The following RNF213 variants were observed in gnomAD, a reference collection of about 807,000 sequenced individuals.
The protein encoded by RNF213 is E3 ubiquitin-protein ligase RNF213.
A neutral mutation model predicts 514.4 loss-of-function variants in RNF213; 341 were observed. That is an observed-to-expected ratio of 0.66 (90% confidence interval 0.61 to 0.73). RNF213 has a LOEUF of 0.73. Ranked by LOEUF, RNF213 falls within the 30% of genes least tolerant of loss-of-function variation. The pLI is 0.00. For missense variants in RNF213, 5,767 were observed against 6,615.6 expected (o/e 0.87, Z 4.45); for synonymous variants, 2,655 against 2,658.2 (o/e 1.00, Z 0.04).
chr17:80,282,237 C>T (rs1159051131), intron 3 of RNF213, among the ~76,000 whole-genome samples: 1 of 152,160 alleles, frequency 6.6e-6, no homozygotes. Context: ...TGAACAGTTG[C>T]TACACGGTGC....
chr17:80,380,923 T>A lies in RNF213; in HGVS notation c.13733T>A (p.Val4578Asp). 1 of 1,614,108 alleles carries A rather than the reference T, an allele frequency of 6.2e-7. No homozygotes were observed. The highest frequency in any genetic ancestry group is 8.5e-7 in the Non-Finnish European group (1 of 1,180,012). ...VTCDRGLPPVVFLLIRLLTHL... is the reference protein window; with the variant it reads ...VTCDRGLPPVDFLLIRLLTHL... ...TGTGACCGAGGGCTGCCCCCAGTGG[T>A]CTTCCTCCTTATCCGGCTACTCACT... is the stretch of plus-strand genomic sequence containing the variant. The change falls in exon 56 of 68, where the codon GTC becomes GAC. Residue 4578 changes from valine (V) to aspartate (D), a missense_variant. By Grantham distance (152) the Val-to-Asp change is radical (BLOSUM62 -3). Coordinates refer to ENST00000582970, the MANE Select transcript of RNF213 (RefSeq NM_001256071.3).
chr17:80,370,397 T>C (rs1457924872), intron 46 of RNF213, among the ~76,000 whole-genome samples: 2 of 152,240 alleles, frequency 1.3e-5, no homozygotes, highest in African/African-American at 2.4e-5. Flanking sequence ...GGTAGGTCTC[T>C]GAGGTTAAAA....
chr17:80,393,641 T>C lies in RNF213; in HGVS notation c.*143T>C. The C allele has an allele frequency of 1.2e-6, 1 of 869,028 alleles. No homozygotes were observed. Among genetic ancestry groups the C allele is most frequent in the South Asian group, 1.6e-5 (1 of 62,760 alleles). The allele number at this position is 869,028 out of a possible 1,614,324, so 53.8% of individuals were successfully genotyped here. A position where few individuals can be genotyped will look rare whatever the true frequency, so the allele number is the denominator to read the frequency against. ...TAGCACCGAATTCAAGACCAAGGCG[T>C]GCTACCTGAGCTGACAGCTTTTTGA... On this transcript the variant is annotated 3_prime_UTR_variant, in exon 68 of 68. Transcript: ENST00000582970.
At chr17:80,366,998 A>C (rs1261766708) in intron 42 of RNF213, among the ~76,000 whole-genome samples, 2 of 152,248 alleles carry the variant, frequency 1.3e-5, no homozygotes, top group African/African-American at 4.8e-5. Context: ...TTGCTCTCAG[A>C]CATATGCAAG....
rs2078631562 is a variant in RNF213 at position 80,353,948 on chromosome 17, A to C, written c.10579-71A>C. 1 of 1,595,328 alleles carries C rather than the reference A, an allele frequency of 6.3e-7. No individual in the cohort carries two copies. Among genetic ancestry groups the C allele is most frequent in the Non-Finnish European group, 8.6e-7 (1 of 1,165,604 alleles). On this transcript the variant is annotated intron_variant, in intron 34 of 67. Coordinates refer to ENST00000582970, the MANE Select transcript of RNF213 (RefSeq NM_001256071.3). The surrounding 1 kb of genome is among the most constrained non-coding windows in gnomAD (Gnocchi z 5.0). ...TTTGCTGCATTGAGACCCTCATCGC[A>C]TACGGGCGGTTTGGCTTTTGCCCAC...
At chr17:80,338,067 A>G in intron 25 of RNF213, 70 bp downstream of exon 25, 1 of 1,507,194 alleles carries the variant, frequency 6.6e-7, no homozygotes, top group Non-Finnish European at 8.9e-7. Context: ...GTGTACTCCC[A>G]AGAAAACGGA....
Position 80,346,036 on chromosome 17 carries a change from G to C in RNF213, c.7701G>C (p.Arg2567=). ...GSIPLRQLVY[R]VHALPPSLIP... ...TTCCTCTGAGGCAGCTGGTATACCG[G>C]GTCCATGCTCTGCCCCCGAGCCTGA... The change falls in exon 29 of 68, where the codon CGG becomes CGC. Residue 2567 remains arginine, a synonymous_variant. Coordinates refer to ENST00000582970, the MANE Select transcript of RNF213 (RefSeq NM_001256071.3). This position sits in a 1 kb window ranked among gnomAD's most constrained non-coding sequence, Gnocchi z 8.1. 6.2e-7 allele frequency: 1 copy of C among 1,614,140 alleles called. No homozygotes were observed. The highest frequency in any genetic ancestry group is 1.1e-5 in the South Asian group (1 of 91,080).
In RNF213 at chr17:80,363,581, A is replaced by T. The variant is rs747249451; in HGVS notation, c.11569-28A>T. The stretch of plus-strand genomic sequence containing the variant: ...TGGGCCGGTGGGAGGGGCACCGCTC[A>T]GCCACGCCCTGCTGTCCGTCTCCCC... On this transcript the variant is annotated intron_variant, in intron 40 of 67. Coordinates refer to ENST00000582970, the MANE Select transcript of RNF213 (RefSeq NM_001256071.3). The T allele has an allele frequency of 1.9e-6, 3 of 1,611,900 alleles. No individual in the cohort carries two copies. The South Asian group carries it at 3.3e-5, about 18-fold the overall frequency.
rs978855546 is a variant in RNF213, at chr17:80,264,053, C to T, written c.97+275C>T. ...CGTTCAGGCCCGGCCTGAGTGAGCC[C>T]ACCCGAGTGGGAGGAGAGGGCAGGG... On this transcript the variant is annotated intron_variant, in intron 2 of 67. Coordinates refer to ENST00000582970, the MANE Select transcript of RNF213 (RefSeq NM_001256071.3). This position sits in a 1 kb window ranked among gnomAD's most constrained non-coding sequence, Gnocchi z 5.0. Among the ~76,000 whole-genome samples the T allele has an allele frequency of 6.6e-6, 1 of 152,214 alleles. No homozygotes were observed. Among genetic ancestry groups the T allele is most frequent in the Non-Finnish European group, 1.5e-5 (1 of 68,038 alleles).
In RNF213 at chr17:80,312,344, A is replaced by T. The variant is rs537933958; in HGVS notation, c.2656-668A>T. 4.4e-4 allele frequency among the ~76,000 whole-genome samples: 67 copies of T among 151,938 alleles called. 1 individual carries two copies. The highest frequency in any genetic ancestry group is 1.4e-3 in the African/African-American group (56 of 41,404). On this transcript the variant is annotated intron_variant, in intron 14 of 67. Coordinates refer to ENST00000582970, the MANE Select transcript of RNF213 (RefSeq NM_001256071.3). The stretch of plus-strand genomic sequence containing the variant: ...CAGGAGGCTTTGAGCCCAGGGGAAG[A>T]GGGGTTTTCCCTCTGGTCTGGTGGG...
intron 10 of RNF213, among the ~76,000 whole-genome samples, chr17:80,296,260 T>C (rs2044941150): frequency 6.6e-6 from 1 of 152,178 alleles, no homozygotes; most frequent in Non-Finnish European, 1.5e-5. Flanking sequence ...CCTCAAGTGA[T>C]CCACCCACCT....
In RNF213 at chr17:80,386,899, T is replaced by C. The variant is rs772347667; in HGVS notation, c.14922+8T>C. ...CCCCGGCTGAGCCTCAAGGTAGGGC[T>C]GACTCCTGCCACTGCTGCTCATTTG... On this transcript the variant is annotated splice_region_variant and intron_variant, in intron 63 of 67. Transcript: ENST00000582970. The C allele has an allele frequency of 2.5e-6, 4 of 1,606,110 alleles. No individual in the cohort carries two copies. The highest frequency in any genetic ancestry group is 3.4e-6 in the Non-Finnish European group (4 of 1,177,110).
Position 80,357,991 on chromosome 17 carries a change from T to C in RNF213, c.10863-297T>C, listed in dbSNP as rs75869454. On this transcript the variant is annotated intron_variant, in intron 36 of 67. Transcript: ENST00000582970. ...TGACAGAGTGAGACCCTCACATACA[T>C]GTTTTAAAAATAAAAAAGCAAACAC... 7.0e-3 allele frequency among the ~76,000 whole-genome samples: 1,068 copies of C among 151,746 alleles called. 6 individuals carry two copies. Among genetic ancestry groups the C allele is most frequent in the African/African-American group, 0.024 (999 of 41,490 alleles).
chr17:80,344,708 G>T lies in RNF213; in HGVS notation c.6373G>T (p.Asp2125Tyr). The change falls in exon 29 of 68, where the codon GAC becomes TAC. Residue 2125 changes from aspartate (D) to tyrosine (Y), a missense_variant. Around this residue, in one of 13 missense-constraint regions of RNF213, gnomAD observed 1,377 missense variants for 1,635.2 expected, o/e 0.84. Coordinates refer to ENST00000582970, the MANE Select transcript of RNF213 (RefSeq NM_001256071.3). ...RTRVPQFSFLDIFPKVTCRPP... is the reference protein window; with the variant it reads ...RTRVPQFSFLYIFPKVTCRPP... Reference sequence around the variant, plus strand: ...ACGTGTACCCCAGTTCAGTTTTCTTGACATCTTCCCAAAAGTCACCTGCAG... The same window carrying T: ...ACGTGTACCCCAGTTCAGTTTTCTTTACATCTTCCCAAAAGTCACCTGCAG... The T allele has an allele frequency of 1.9e-6, 3 of 1,614,012 alleles. No homozygotes were observed. In the South Asian group the frequency reaches 3.3e-5, roughly 18 times the overall value.
intron 42 of RNF213, among the ~76,000 whole-genome samples, chr17:80,365,796 C>T (rs906086014): frequency 6.6e-5 from 10 of 152,284 alleles, no homozygotes; most frequent in East Asian, 3.9e-4. Context: ...CATGTCTCGG[C>T]GCTCTGGGAG....
At chr17:80,305,470 G>T (rs1272277601) in intron 11 of RNF213, among the ~76,000 whole-genome samples, 1 of 151,816 alleles carries the variant, frequency 6.6e-6, no homozygotes. Flanking sequence ...GAGCCACTGC[G>T]CCCGGCCTGA....
chr17:80,311,414 G>T (rs1043962882), intron 14 of RNF213, among the ~76,000 whole-genome samples: 1 of 152,182 alleles, frequency 6.6e-6, no homozygotes, highest in African/African-American at 2.4e-5. Flanking sequence ...GCCCTGTGCT[G>T]CTGGATTGTT....
In RNF213 at chr17:80,381,601, C is replaced by CAGCACATCCT. The variant is rs1218546648; in HGVS notation, c.13853_13862dup (p.Lys4622AlafsTer40). 6 of 1,614,216 alleles carry CAGCACATCCT rather than the reference C, an allele frequency of 3.7e-6. No homozygotes were observed. Among genetic ancestry groups the CAGCACATCCT allele is most frequent in the Non-Finnish European group, 5.1e-6 (6 of 1,180,046 alleles). On this transcript the variant is annotated frameshift_variant, in exon 57 of 68. Transcript: ENST00000582970. LOFTEE classifies it high-confidence loss of function. ...GAGGGATCCAAAAGGCTTTCTGCAG[C>CAGCACATCCT]AGCACATCCTGAAGGACCTGGAGCA...
chr17:80,295,873 C>A, intron 10 of RNF213, 60 bp downstream of exon 10: 2 of 1,583,188 alleles, frequency 1.3e-6, no homozygotes, highest in Non-Finnish European at 1.7e-6. Flanking sequence ...TCTCTGATTG[C>A]AAAAATAAGT....
Sources: allele counts gnomAD v4.1 joint callset (sites outside exome capture counted in the v4.1 genomes callset), GRCh38; gene constraint gnomAD v4.1.1; regional missense constraint gnomAD v4.1.1; non-coding constraint Gnocchi (gnomAD v3.1); transcripts MANE v1.5; gene names NCBI Gene and HGNC (gene_info 2026-07-23, HGNC 2026-07-21).